FRMPD4: variants seen among roughly 807,000 people sequenced by gnomAD.
FRMPD4 encodes the protein FERM and PDZ domain-containing protein 4.
Under a neutral mutation model 94.1 loss-of-function variants are expected in FRMPD4, and 22 were observed. The observed-to-expected ratio is 0.23, with a 90% CI of 0.17 to 0.33. FRMPD4 has a LOEUF of 0.33. FRMPD4 is among the 10% of genes least tolerant of loss of function. The pLI, the probability that FRMPD4 is intolerant of heterozygous loss-of-function variation, is 1.00. For synonymous variants in FRMPD4, 631 were observed against 548.6 expected (o/e 1.15, Z -2.10); for missense variants, 1,111 against 1,339.9 (o/e 0.83, Z 2.67).
chrX:12,717,538 G>C lies in FRMPD4; in HGVS notation c.2712G>C (p.Ser904=), dbSNP rs145038513. The C allele has an allele frequency of 6.7e-6, 8 of 1,201,607 alleles. No homozygotes were observed. Among genetic ancestry groups the C allele is most frequent in the Non-Finnish European group, 9.0e-6 (8 of 886,541 alleles). Residue 904 remains serine, a synonymous_variant, in exon 16 of 17, where the codon TCG becomes TCC. Coordinates refer to ENST00000675598, the MANE Select transcript of FRMPD4 (RefSeq NM_001368397.1). ...AILRAYSPES[S]SDSGNETNSS... ...TGCGGGCTTATAGTCCTGAGTCTTC[G>C]TCAGACTCGGGCAATGAAACTAACT...
At chrX:12,393,581 C>G (rs1237506554) in intron 1 of FRMPD4, among the ~76,000 whole-genome samples, 1 of 111,870 alleles carries the variant, frequency 8.9e-6, no homozygotes, top group Non-Finnish European at 1.9e-5. Flanking sequence ...GTTATTTGTA[C>G]AGAAGCCCCA....
chrX:12,297,292 A>G (rs1261620139), intron 1 of FRMPD4, among the ~76,000 whole-genome samples: 1 of 112,769 alleles, frequency 8.9e-6, no homozygotes. Context: ...CTGTAATAGA[A>G]TATCACAGAC....
intron 1 of FRMPD4, among the ~76,000 whole-genome samples, chrX:12,297,307 T>C (rs1448001027): frequency 8.9e-6 from 1 of 112,705 alleles, no homozygotes; most frequent in Non-Finnish European, 1.9e-5. Flanking sequence ...ACAGACTATG[T>C]AATTTATAAA....
intron 16 of FRMPD4, among the ~76,000 whole-genome samples, chrX:12,719,976 T>C (rs959242792): frequency 2.1e-4 from 18 of 86,276 alleles, no homozygotes; most frequent in Non-Finnish European, 3.3e-4. Context: ...GGCCACTTCT[T>C]TAAAAGAAAG....
At chrX:11,967,735 T>C (rs2054317124) in intron 3 of FRMPD4, among the ~76,000 whole-genome samples, 1 of 74,155 alleles carries the variant, frequency 1.3e-5, no homozygotes, top group Non-Finnish European at 2.4e-5. Flanking sequence ...TCTAGGCAGA[T>C]GTGTGTGTGT....
chrX:12,423,605 A>G (rs2056911993), intron 1 of FRMPD4, among the ~76,000 whole-genome samples: 1 of 112,234 alleles, frequency 8.9e-6, no homozygotes, highest in South Asian at 3.7e-4. Flanking sequence ...AACCTCATCA[A>G]TGTAACTGAA....
At chrX:11,944,957 G>A (rs1016918110) in intron 3 of FRMPD4, among the ~76,000 whole-genome samples, 3 of 112,229 alleles carry the variant, frequency 2.7e-5, no homozygotes, top group Admixed American at 1.9e-4. Flanking sequence ...TTAAATAAAT[G>A]TTATAGAAGC....
At chrX:12,419,337 G>A (rs1330368212) in intron 1 of FRMPD4, among the ~76,000 whole-genome samples, 1 of 111,949 alleles carries the variant, frequency 8.9e-6, no homozygotes, top group Non-Finnish European at 1.9e-5. Context: ...GTCATCTGTC[G>A]AGCAATGTAT....
At chrX:12,375,381 A>C (rs1035259620) in intron 1 of FRMPD4, among the ~76,000 whole-genome samples, 1 of 112,290 alleles carries the variant, frequency 8.9e-6, no homozygotes, top group African/African-American at 3.2e-5. Flanking sequence ...CTTGTGGGTC[A>C]CCACTTCTAG....
chrX:12,413,460 T>A (rs1334806546), intron 1 of FRMPD4, among the ~76,000 whole-genome samples: 4 of 112,214 alleles, frequency 3.6e-5, no homozygotes, highest in Non-Finnish European at 7.5e-5. Flanking sequence ...GAGTTAGATA[T>A]GATCATTACA....
chrX:11,885,034 T>C (rs1315214547), intron 3 of FRMPD4, among the ~76,000 whole-genome samples: 1 of 111,631 alleles, frequency 9.0e-6, no homozygotes, highest in Non-Finnish European at 1.9e-5. Flanking sequence ...AGGTATATTA[T>C]CCAAAAGAAT....
At chrX:12,050,920 G>A (rs2054813541) in intron 3 of FRMPD4, among the ~76,000 whole-genome samples, 3 of 111,475 alleles carry the variant, frequency 2.7e-5, no homozygotes, top group Non-Finnish European at 5.7e-5. Flanking sequence ...GACCTAAGTA[G>A]CCATTAAGAG....
At chrX:11,973,602 C>G (rs1445587175) in intron 3 of FRMPD4, among the ~76,000 whole-genome samples, 4 of 112,188 alleles carry the variant, frequency 3.6e-5, no homozygotes, top group Non-Finnish European at 7.5e-5. Flanking sequence ...AGCTAATTGA[C>G]TATAAAGCTT....
At chrX:11,877,917 T>G (rs192249939) in exon 3 of FRMPD4, among the ~76,000 whole-genome samples, 3 of 112,178 alleles carry the variant, frequency 2.7e-5, no homozygotes, top group Admixed American at 9.4e-5. Flanking sequence ...TGTTTTGGCT[T>G]CCTACCATGG....
intron 2 of FRMPD4, among the ~76,000 whole-genome samples, chrX:12,499,236 T>C (rs780611749): frequency 8.9e-6 from 1 of 112,274 alleles, no homozygotes; most frequent in South Asian, 3.7e-4. Flanking sequence ...AAAAATCAGC[T>C]AAAAGGATTA....
chrX:12,248,690 G>A (rs997814416), intron 1 of FRMPD4, among the ~76,000 whole-genome samples: 1 of 112,179 alleles, frequency 8.9e-6, no homozygotes, highest in African/African-American at 3.2e-5. Flanking sequence ...TCATAACCCC[G>A]ATGACATTTT....
At chrX:12,646,445 A>G (rs190522735) in intron 4 of FRMPD4, among the ~76,000 whole-genome samples, 1 of 111,995 alleles carries the variant, frequency 8.9e-6, no homozygotes, top group East Asian at 2.8e-4. Flanking sequence ...TTGAGGCTAA[A>G]TTCAAACATG....
intron 3 of FRMPD4, among the ~76,000 whole-genome samples, chrX:11,984,683 T>C (rs1361740517): frequency 8.9e-6 from 1 of 112,479 alleles, no homozygotes; most frequent in Non-Finnish European, 1.9e-5. Context: ...AATGTTTGCC[T>C]CACAAATTGA....
intron 3 of FRMPD4, among the ~76,000 whole-genome samples, chrX:11,954,025 C>T (rs1231969896): frequency 8.9e-6 from 1 of 112,158 alleles, no homozygotes; most frequent in Non-Finnish European, 1.9e-5. Context: ...GTCTTCCAGG[C>T]AGTGTATATC....
Sources: allele counts gnomAD v4.1 joint callset (sites outside exome capture counted in the v4.1 genomes callset), GRCh38; gene constraint gnomAD v4.1.1; transcripts MANE v1.5; gene names NCBI Gene and HGNC (gene_info 2026-07-23, HGNC 2026-07-21).